TSGA10: variants seen among roughly 807,000 people sequenced by gnomAD.
TSGA10 encodes testis specific 10, also known as testis-specific gene 10 protein.
In TSGA10, 43 loss-of-function variants were observed where a neutral mutation model predicts 96.6. The observed-to-expected ratio is 0.44, with a 90% CI of 0.35 to 0.57. TSGA10 has a LOEUF of 0.57. Ranked by LOEUF, TSGA10 falls within the 20% of genes least tolerant of loss-of-function variation. The pLI is 0.01. For synonymous variants in TSGA10, 229 were observed against 269.9 expected (o/e 0.85, Z 1.48); for missense variants, 703 against 834.4 (o/e 0.84, Z 1.94).
chr2:99,128,609 T>A (rs139258689), intron 1 of TSGA10, among the ~76,000 whole-genome samples: 1 of 152,320 alleles, frequency 6.6e-6, no homozygotes, highest in East Asian at 1.9e-4. Context: ...ACATGTTGAA[T>A]CATGCTGTGC....
At chr2:99,124,994 A>G (rs2092755119) in intron 2 of TSGA10, 1 of 152,198 alleles carries the variant, frequency 6.6e-6, no homozygotes, top group Non-Finnish European at 1.5e-5. Flanking sequence ...ATCCACTATT[A>G]GTATATCATA....
intron 10 of TSGA10, chr2:99,102,715 C>G: frequency 6.2e-7 from 1 of 1,610,754 alleles, no homozygotes; most frequent in Non-Finnish European, 8.5e-7. Context: ...GCGGAGATGG[C>G]CAAAGACTTT....
chr2:99,097,431 T>C (rs1405569487), intron 10 of TSGA10, among the ~76,000 whole-genome samples: 1 of 152,176 alleles, frequency 6.6e-6, no homozygotes, highest in Non-Finnish European at 1.5e-5. Flanking sequence ...AGTTTATATA[T>C]ATAGTTATAC....
At position 99,065,113 on chromosome 2, in the gene TSGA10, G is replaced by A; in HGVS notation, c.1230C>T (p.Asn410=). The A allele has an allele frequency of 1.2e-6, 2 of 1,610,352 alleles. No homozygotes were observed. The highest frequency in any genetic ancestry group is 1.7e-6 in the Non-Finnish European group (2 of 1,179,006). The part of the protein sequence containing the change: ...KNILKSEESE[N]RQMMEQLRKA... ...TTCGAAGTTGTTCCATCATTTGCCG[G>A]TTCTCAGATTCCTGAAAAGCAAACT... Residue 410 remains asparagine (N), a synonymous_variant, in exon 16 of 21, where the codon AAC becomes AAT. Transcript: ENST00000393483.
intron 1 of TSGA10, chr2:99,147,576 T>C: frequency 8.7e-7 from 1 of 1,148,384 alleles, no homozygotes; most frequent in Non-Finnish European, 1.3e-6. Context: ...AATGTGCAAA[T>C]TGATAATTAT....
Position 99,070,914 on chromosome 2 carries a change from AG to A in TSGA10, c.1107+791del, listed in dbSNP as rs575185619. On this transcript the variant is annotated intron_variant, in intron 14 of 20. Coordinates refer to ENST00000393483, the MANE Select transcript of TSGA10 (RefSeq NM_025244.4). ...ATTATCTGAAGTCCATACTTTATTC[AG>A]ATTTCTTTCCTTTTTTACATAATGT... 1.5e-4 allele frequency among the ~76,000 whole-genome samples: 23 copies of A among 152,300 alleles called. No individual in the cohort carries two copies. In the East Asian group the frequency reaches 4.4e-3, roughly 29 times the overall value.
intron 10 of TSGA10, among the ~76,000 whole-genome samples, chr2:99,101,207 T>C (rs1259569785): frequency 1.8e-5 from 2 of 112,296 alleles, no homozygotes; most frequent in Non-Finnish European, 3.3e-5. Flanking sequence ...ATTGCATGAC[T>C]GCACTCCAGC....
chr2:99,047,200 G>A (rs2082873370), intron 16 of TSGA10, among the ~76,000 whole-genome samples: 1 of 152,090 alleles, frequency 6.6e-6, no homozygotes, highest in African/African-American at 2.4e-5. Flanking sequence ...AGAAAAAGAG[G>A]GAATCCTCCT....
intron 17 of TSGA10, among the ~76,000 whole-genome samples, chr2:99,028,843 CG>C (rs1164242178): frequency 3.3e-5 from 5 of 152,098 alleles, no homozygotes; most frequent in Non-Finnish European, 1.5e-5. Context: ...TTTGAAAGCT[CG>C]TTGGCTGTAT....
chr2:99,072,399 T>C (rs2086082011), intron 13 of TSGA10, among the ~76,000 whole-genome samples: 1 of 152,188 alleles, frequency 6.6e-6, no homozygotes, highest in Admixed American at 6.5e-5. Context: ...TAGACATGTC[T>C]ACAATAAGGT....
intron 16 of TSGA10, among the ~76,000 whole-genome samples, chr2:99,037,387 C>A (rs8179548): frequency 0.013 from 2,038 of 152,028 alleles, 19 homozygotes; most frequent in Admixed American, 0.021. Flanking sequence ...CAACATACTT[C>A]TAAATAACAC....
rs535842776 is a variant in TSGA10 at position 99,129,994 on chromosome 2, C to T, written c.-620-2818G>A. Among the ~76,000 whole-genome samples the T allele has an allele frequency of 8.5e-4, 129 of 152,278 alleles. 1 individual carries two copies. Among genetic ancestry groups the T allele is most frequent in the Admixed American group, 6.9e-3 (105 of 15,296 alleles). On this transcript the variant is annotated intron_variant, in intron 1 of 20. Coordinates refer to ENST00000393483, the MANE Select transcript of TSGA10 (RefSeq NM_025244.4). Reference sequence around the variant, plus strand: ...ATCCTTCTTAATGGCTGCACAGTATCCATGGTGTATATGTGCCACATTTTC... The same window carrying T: ...ATCCTTCTTAATGGCTGCACAGTATTCATGGTGTATATGTGCCACATTTTC...
chr2:99,014,822 C>A (rs573676096), intron 20 of TSGA10, among the ~76,000 whole-genome samples: 1 of 152,100 alleles, frequency 6.6e-6, no homozygotes, highest in African/African-American at 2.4e-5. Context: ...CAACCAATAC[C>A]ACAGAAATAC....
In TSGA10 at chr2:98,997,640, T is replaced by C. The variant is rs1263573124; in HGVS notation, c.*557A>G. The C allele has an allele frequency of 2.0e-5, 3 of 152,214 alleles. No individual in the cohort carries two copies. Among genetic ancestry groups the C allele is most frequent in the African/African-American group, 7.2e-5 (3 of 41,438 alleles). 9.4% of individuals were successfully genotyped at this position (152,214 alleles called of 1,614,324 possible). Reference sequence around the variant, plus strand: ...GTTACTTAGTCTTTGAGTGGTACAATACTATAGGTTTTAAAACCCTGACAA... The same window carrying C: ...GTTACTTAGTCTTTGAGTGGTACAACACTATAGGTTTTAAAACCCTGACAA... On this transcript the variant is annotated 3_prime_UTR_variant, in exon 21 of 21. Coordinates refer to ENST00000393483, the MANE Select transcript of TSGA10 (RefSeq NM_025244.4).
intron 20 of TSGA10, among the ~76,000 whole-genome samples, chr2:98,998,471 C>T (rs562687284): frequency 2.6e-5 from 4 of 152,138 alleles, no homozygotes; most frequent in South Asian, 2.1e-4. Context: ...ATGGATCTCA[C>T]GGGCATTATG....
intron 1 of TSGA10, among the ~76,000 whole-genome samples, chr2:99,142,872 T>C (rs2093585603): frequency 6.6e-6 from 1 of 152,156 alleles, no homozygotes. Flanking sequence ...ATTATTAATA[T>C]AGGAAGTAGG....
intron 14 of TSGA10, among the ~76,000 whole-genome samples, chr2:99,071,484 T>C (rs1177295642): frequency 6.6e-6 from 1 of 152,168 alleles, no homozygotes; most frequent in African/African-American, 2.4e-5. Context: ...AGTACTAAGC[T>C]TTAATACAAA....
At chr2:99,135,075 G>C (rs2093268737) in intron 1 of TSGA10, among the ~76,000 whole-genome samples, 1 of 152,202 alleles carries the variant, frequency 6.6e-6, no homozygotes, top group African/African-American at 2.4e-5. Flanking sequence ...TGGGGGTCAG[G>C]GACCCACTTG....
intron 17 of TSGA10, among the ~76,000 whole-genome samples, chr2:99,023,374 C>G (rs954538409): frequency 6.6e-6 from 1 of 151,752 alleles, no homozygotes; most frequent in East Asian, 1.9e-4. Flanking sequence ...TTGCCACTTT[C>G]TTGATGATAT....
Sources: gnomAD v4.1 joint callset for allele counts (sites outside exome capture counted in the v4.1 genomes callset) on GRCh38, gnomAD v4.1.1 for gene constraint, MANE v1.5 for transcripts, NCBI Gene and HGNC (gene_info 2026-07-23, HGNC 2026-07-21) for gene names.